STAT2: variants seen among roughly 807,000 people sequenced by gnomAD.
The protein encoded by STAT2 is interferon alpha induced transcriptional activator.
In STAT2, 51 loss-of-function variants were observed where a neutral mutation model predicts 122.3. The ratio of observed to expected loss-of-function variants is 0.42; its 90% CI spans 0.33 to 0.53. The LOEUF (loss-of-function observed/expected upper bound fraction) is 0.53, where lower values mean the gene tolerates loss of function less well. Ranked by LOEUF, STAT2 falls within the 20% of genes least tolerant of loss-of-function variation. STAT2 has a pLI of 0.10. For synonymous variants in STAT2, 351 were observed against 394.9 expected (o/e 0.89, Z 1.32); for missense variants, 736 against 1,010.3 (o/e 0.73, Z 3.68).
Position 56,349,148 on chromosome 12 carries a change from GC to G in STAT2, c.1440+14del. The G allele has an allele frequency of 3.1e-6, 5 of 1,614,072 alleles. No individual in the cohort carries two copies. The highest frequency in any genetic ancestry group is 4.2e-6 in the Non-Finnish European group (5 of 1,180,006). On this transcript the variant is annotated intron_variant, in intron 16 of 23. Coordinates refer to ENST00000314128, the MANE Select transcript of STAT2 (RefSeq NM_005419.4). Reference sequence around the variant, plus strand: ...CCTCCTCTCGCGCCTTGACCTGTCGGCCCCACTCCCCTACCTGAAGGTTTGG... The same window carrying G: ...CCTCCTCTCGCGCCTTGACCTGTCGGCCCACTCCCCTACCTGAAGGTTTGG...
intron 1 of STAT2, 50 bp from the exon 2 acceptor site, chr12:56,356,628 T>C: frequency 6.3e-7 from 1 of 1,598,192 alleles, no homozygotes; most frequent in Non-Finnish European, 8.5e-7. Context: ...CTGGACTAAA[T>C]CATCCATAGT....
In STAT2 at chr12:56,355,241, C is replaced by T. The variant is rs187978417; in HGVS notation, c.547+35G>A. 327 of 1,613,424 alleles carry T rather than the reference C, an allele frequency of 2.0e-4. 3 individuals are homozygous for T. In the African/African-American group the frequency reaches 3.7e-3, roughly 18 times the overall value. ...TCCAGCTCCGGCTTCTCAGCAGGCA[C>T]TTATCTTTCTCCAGCCCCTCAATGT... On this transcript the variant is annotated intron_variant, in intron 6 of 23. Transcript: ENST00000314128.
intron 13 of STAT2, 98 bp from the exon 14 acceptor site, chr12:56,349,734 TC>T: frequency 6.7e-7 from 1 of 1,487,932 alleles, no homozygotes; most frequent in Middle Eastern, 1.8e-4. Flanking sequence ...CCTGGGAACT[TC>T]CCCCAACCCC....
In STAT2 at chr12:56,356,106, C is replaced by G. The variant is rs780428423; in HGVS notation, c.285+26G>C. ...TCTATGCTCAGCTCCCAGTGCTACC[C>G]CATCACTCCCAACCGTTCCAAGTAC... On this transcript the variant is annotated intron_variant, in intron 3 of 23. Coordinates refer to ENST00000314128, the MANE Select transcript of STAT2 (RefSeq NM_005419.4). The G allele has an allele frequency of 7.5e-6, 12 of 1,609,506 alleles. No homozygotes were observed. The African/African-American group carries it at 1.2e-4, about 16-fold the overall frequency.
Position 56,343,468 on chromosome 12 carries a change from T to C in STAT2, c.2477A>G (p.Gln826Arg). 1.2e-6 allele frequency: 2 copies of C among 1,614,220 alleles called. No individual in the cohort carries two copies. The highest frequency in any genetic ancestry group is 1.7e-6 in the Non-Finnish European group (2 of 1,180,034). The change falls in exon 24 of 24, where the codon CAG (glutamine) becomes CGG (arginine). Residue 826 changes from glutamine (Q) to arginine (R), a missense_variant. Coordinates refer to ENST00000314128, the MANE Select transcript of STAT2 (RefSeq NM_005419.4). ...MPNGDPLLAG[Q>R]NTVDEVYVSR... ...GACGTAAACCTCATCCACGGTGTTCTGGCCAGCCAACAGTGGGTCACCATT... is the reference window on the plus strand; with the variant it reads ...GACGTAAACCTCATCCACGGTGTTCCGGCCAGCCAACAGTGGGTCACCATT...
chr12:56,349,784 C>T, intron 13 of STAT2, 148 bp from the exon 14 acceptor site: 9 of 1,051,060 alleles, frequency 8.6e-6, no homozygotes, highest in South Asian at 4.2e-5. Flanking sequence ...TATGGTGGCT[C>T]ATGCCTGTGA....
Position 56,355,532 on chromosome 12 carries a change from C to T in STAT2, c.382G>A (p.Glu128Lys). 6.2e-7 allele frequency: 1 copy of T among 1,614,082 alleles called. No individual in the cohort carries two copies. Among genetic ancestry groups the T allele is most frequent in the Non-Finnish European group, 8.5e-7 (1 of 1,180,008 alleles). ...GTTTCGAGAACTGGCTCTCCTTGTTCCTGAAAAAAGAGGCTCTGAGCACGT... is the reference window on the plus strand; with the variant it reads ...GTTTCGAGAACTGGCTCTCCTTGTTTCTGAAAAAAGAGGCTCTGAGCACGT... The part of the protein sequence containing the change: ...ILIQAQRAQL[E>K]QGEPVLETPV... Residue 128 changes from glutamate to lysine, a missense_variant and splice_region_variant, in exon 5 of 24, where the codon GAA becomes AAA. Physicochemically the swap from Glu to Lys is moderately conservative, Grantham distance 56. Coordinates refer to ENST00000314128, the MANE Select transcript of STAT2 (RefSeq NM_005419.4).
chr12:56,356,454 C>T lies in STAT2; in HGVS notation c.118G>A (p.Glu40Lys). The T allele has an allele frequency of 6.2e-7, 1 of 1,614,002 alleles. No homozygotes were observed. The highest frequency in any genetic ancestry group is 8.5e-7 in the Non-Finnish European group (1 of 1,180,030). Residue 40 changes from glutamate to lysine, a missense_variant, in exon 2 of 24, where the codon GAA becomes AAA. Glu to Lys is a moderately conservative substitution (Grantham distance 56). Transcript: ENST00000314128. ...TGAAGGCCTCACCAGTTCTGGTCTT[C>T]AATCCAGACAGCCAAGTACTGTCGA... ...DIRQYLAVWI[E>K]DQNWQEAALG...
chr12:56,357,345 A>AT (rs997672107), intron 1 of STAT2, among the ~76,000 whole-genome samples: 15 of 147,616 alleles, frequency 1.0e-4, no homozygotes, highest in African/African-American at 1.7e-4. Context: ...CCCAACCTGT[A>AT]TTTTTTTTTT....
chr12:56,355,850 A>C, intron 3 of STAT2, 47 bp from the exon 4 acceptor site: 1 of 1,566,906 alleles, frequency 6.4e-7, no homozygotes, highest in Non-Finnish European at 8.8e-7. Context: ...ACCACTCTCA[A>C]TGACCTATTG....
Position 56,348,567 on chromosome 12 carries a change from C to A in STAT2, c.1686G>T (p.Glu562Asp). 1.2e-6 allele frequency: 2 copies of A among 1,614,176 alleles called. No homozygotes were observed. Among genetic ancestry groups the A allele is most frequent in the Non-Finnish European group, 1.7e-6 (2 of 1,180,040 alleles). Residue 562 changes from glutamate (E) to aspartate (D), a missense_variant, in exon 19 of 24, where the codon GAG becomes GAT. Coordinates refer to ENST00000314128, the MANE Select transcript of STAT2 (RefSeq NM_005419.4). ...GATCCTTCAGGTGGTCATGTACCAA[C>A]TCCAGAATTTTGTCCAGCCATGTCC... is the stretch of plus-strand genomic sequence containing the variant. ...PFWTWLDKIL[E>D]LVHDHLKDLW...
In STAT2 at chr12:56,342,715, T is replaced by C. The variant is rs1876763235; in HGVS notation, c.*674A>G. On this transcript the variant is annotated 3_prime_UTR_variant, in exon 24 of 24. Coordinates refer to ENST00000314128, the MANE Select transcript of STAT2 (RefSeq NM_005419.4). ...TGCAAAGCTTCACACTCACATTAGATTGGCAGGATCATTTTATGGGGGAGG... is the reference window on the plus strand; with the variant it reads ...TGCAAAGCTTCACACTCACATTAGACTGGCAGGATCATTTTATGGGGGAGG... 1 of 152,176 alleles carries C rather than the reference T, an allele frequency of 6.6e-6. No homozygotes were observed. Among genetic ancestry groups the C allele is most frequent in the South Asian group, 2.1e-4 (1 of 4,820 alleles). The allele number at this position is 152,176 out of a possible 1,614,324, so 9.4% of individuals were successfully genotyped here.
At chr12:56,345,902 T>C (rs2136041080) in intron 22 of STAT2, among the ~76,000 whole-genome samples, 1 of 150,484 alleles carries the variant, frequency 6.6e-6, no homozygotes, top group East Asian at 2.0e-4. Flanking sequence ...AGCAGAAAAA[T>C]ATGAGATAGG....
At chr12:56,347,862 G>A (rs1344159916) in intron 19 of STAT2, among the ~76,000 whole-genome samples, 1 of 152,176 alleles carries the variant, frequency 6.6e-6, no homozygotes, top group Non-Finnish European at 1.5e-5. Context: ...GGTGGAAAGA[G>A]CATGGGCTTG....
At chr12:56,345,505 A>G (rs1877259165) in intron 22 of STAT2, among the ~76,000 whole-genome samples, 1 of 84,474 alleles carries the variant, frequency 1.2e-5, no homozygotes, top group Admixed American at 1.2e-4. Flanking sequence ...CAAAAAAAAA[A>G]AAAAAAAAAA....
At position 56,354,544 on chromosome 12, in the gene STAT2, A is replaced by G. The variant is rs1324949275; in HGVS notation, c.704T>C (p.Leu235Ser). Residue 235 changes from leucine (L) to serine (S), a missense_variant, in exon 8 of 24, where the codon TTG (leucine) becomes TCG (serine). Transcript: ENST00000314128. ...TTGCTGCTGGGCCTTCCACTCCTCC[A>G]ACTTTGGCAGCAGTAGCTCGATTAG... ...TTLIELLLPK[L>S]EEWKAQQQKA... 1.2e-6 allele frequency: 2 copies of G among 1,614,022 alleles called. No individual in the cohort carries two copies. The highest frequency in any genetic ancestry group is 2.7e-5 in the African/African-American group (2 of 74,902).
chr12:56,345,524 A>AAAAAATATATATATATATATATATATAT (rs1555169410), intron 22 of STAT2, among the ~76,000 whole-genome samples: 15 of 26,188 alleles, frequency 5.7e-4, no homozygotes, highest in Non-Finnish European at 6.5e-4. Flanking sequence ...AAAAAAAAAA[A>AAAAAATATATATATATATATATATATAT]ATATATATAT....
intron 15 of STAT2, 74 bp from the exon 16 acceptor site, chr12:56,349,335 G>T: frequency 6.2e-7 from 1 of 1,614,006 alleles, no homozygotes; most frequent in East Asian, 2.2e-5. Context: ...GGAAAGGAGT[G>T]CTAACCCACC....
intron 8 of STAT2, among the ~76,000 whole-genome samples, chr12:56,352,150 T>C (rs1003405971): frequency 3.9e-5 from 6 of 152,022 alleles, no homozygotes; most frequent in African/African-American, 1.2e-4. Flanking sequence ...CCGCCCACCT[T>C]GGCCTCCCAA....
Sources: gnomAD v4.1 joint callset for allele counts (sites outside exome capture counted in the v4.1 genomes callset) on GRCh38, gnomAD v4.1.1 for gene constraint, MANE v1.5 for transcripts, NCBI Gene and HGNC (gene_info 2026-07-23, HGNC 2026-07-21) for gene names.